RUSF1: variants seen among roughly 807,000 people sequenced by gnomAD.
The protein encoded by RUSF1 is RUS family member 1.
A neutral mutation model predicts 63.0 loss-of-function variants in RUSF1; 58 were observed. The ratio of observed to expected loss-of-function variants is 0.92; its 90% CI spans 0.75 to 1.15. RUSF1 has a LOEUF of 1.15. Ranked by LOEUF, RUSF1 falls within the 50% of genes most tolerant of loss-of-function variation. The pLI is 0.00. For missense variants in RUSF1, 652 were observed against 611.0 expected (o/e 1.07, Z -0.71); for synonymous variants, 274 against 255.8 (o/e 1.07, Z -0.68).
At chr16:31,496,769 TGGGCCCTCCA>T (rs2082605438) in intron 6 of RUSF1, 70 bp downstream of exon 6, 2 of 1,233,532 alleles carry the variant, frequency 1.6e-6, no homozygotes, top group Non-Finnish European at 2.2e-6. Context: ...TGTGTGTTCC[TGGGCCCTCCA>T]GGGCACTCAA....
At chr16:31,503,413 A>G (rs922459297) in intron 2 of RUSF1, among the ~76,000 whole-genome samples, 7 of 152,236 alleles carry the variant, frequency 4.6e-5, no homozygotes, top group African/African-American at 9.6e-5. Context: ...ATCAAGACAC[A>G]TATTACATGT....
At chr16:31,494,754 C>G (rs1462419571) in intron 6 of RUSF1, among the ~76,000 whole-genome samples, 1 of 151,880 alleles carries the variant, frequency 6.6e-6, no homozygotes, top group African/African-American at 2.4e-5. Flanking sequence ...CTCTGTCACC[C>G]AGGCTGGAGT....
Position 31,490,710 on chromosome 16 carries a change from A to G in RUSF1, c.*125T>C. ...ATCTGATTGGCAGTCACTTCCCATG[A>G]GGGCCTGGCCCACCCGCTGCAGTTG... On this transcript the variant is annotated 3_prime_UTR_variant, in exon 13 of 13. Coordinates refer to ENST00000327237, the MANE Select transcript of RUSF1 (RefSeq NM_022744.4). 8.3e-7 allele frequency: 1 copy of G among 1,211,652 alleles called. No homozygotes were observed. The highest frequency in any genetic ancestry group is 1.2e-6 in the Non-Finnish European group (1 of 831,414). 75.1% of individuals were successfully genotyped at this position (1,211,652 alleles called of 1,614,324 possible). A position where few individuals can be genotyped will look rare whatever the true frequency, so the allele number is the denominator to read the frequency against.
chr16:31,506,579 C>T (rs945914994), intron 2 of RUSF1, among the ~76,000 whole-genome samples: 10 of 152,120 alleles, frequency 6.6e-5, no homozygotes, highest in African/African-American at 2.4e-5. Flanking sequence ...GTCAGGAGTT[C>T]GAGACCAGCC....
chr16:31,494,444 A>T (rs375255307), intron 6 of RUSF1, among the ~76,000 whole-genome samples: 12 of 151,734 alleles, frequency 7.9e-5, no homozygotes, highest in African/African-American at 2.7e-4. Flanking sequence ...TGAGCCTGGG[A>T]GGTGGAGGTT....
At position 31,503,082 on chromosome 16, in the gene RUSF1, C is replaced by T. The variant is rs116801414; in HGVS notation, c.416-2351G>A. On this transcript the variant is annotated intron_variant, in intron 2 of 12. Transcript: ENST00000327237. ...AAATGATATATATACTCCCTAGCAT[C>T]TGAGTCACTACTGTCCACTAGAATA... is the stretch of plus-strand genomic sequence containing the variant. 5.6e-3 allele frequency among the ~76,000 whole-genome samples: 850 copies of T among 152,366 alleles called. 6 individuals are homozygous for T. The highest frequency in any genetic ancestry group is 0.02 in the African/African-American group (812 of 41,578).
In RUSF1 at chr16:31,490,158, G is replaced by A. The variant is rs753032417; in HGVS notation, c.*677C>T. ...TAGCAAGGAGGAACGGGAGGACCTGGATGCTGATGAGCAGCAAGGCTCCTC... is the reference window on the plus strand; with the variant it reads ...TAGCAAGGAGGAACGGGAGGACCTGAATGCTGATGAGCAGCAAGGCTCCTC... On this transcript the variant is annotated 3_prime_UTR_variant, in exon 13 of 13. Coordinates refer to ENST00000327237, the MANE Select transcript of RUSF1 (RefSeq NM_022744.4). 1.9e-6 allele frequency: 3 copies of A among 1,614,174 alleles called. No homozygotes were observed. The highest frequency in any genetic ancestry group is 2.5e-6 in the Non-Finnish European group (3 of 1,180,036).
At chr16:31,496,011 G>A (rs1005414400) in intron 6 of RUSF1, among the ~76,000 whole-genome samples, 1 of 152,150 alleles carries the variant, frequency 6.6e-6, no homozygotes, top group African/African-American at 2.4e-5. Context: ...CACACTTCTG[G>A]GACTTCCCTG....
chr16:31,489,879 G>A lies in RUSF1; in HGVS notation c.*956C>T, dbSNP rs1257914752. The stretch of plus-strand genomic sequence containing the variant: ...CAGACCTGAGCTGACAAAGCTGGGG[G>A]AGCAAGGCCAACGGCTTTAAACACA... On this transcript the variant is annotated 3_prime_UTR_variant, in exon 13 of 13. Coordinates refer to ENST00000327237, the MANE Select transcript of RUSF1 (RefSeq NM_022744.4). 10 of 581,056 alleles carry A rather than the reference G, an allele frequency of 1.7e-5. No homozygotes were observed. Among genetic ancestry groups the A allele is most frequent in the East Asian group, 3.2e-5 (1 of 30,856 alleles). 36.0% of individuals were successfully genotyped at this position (581,056 alleles called of 1,614,324 possible). A position where few individuals can be genotyped will look rare whatever the true frequency, so the allele number is the denominator to read the frequency against.
At position 31,493,696 on chromosome 16, in the gene RUSF1, C is replaced by A. The variant is rs745382201; in HGVS notation, c.865G>T (p.Glu289Ter). ...TTCAGGACCAGCCGGAGCCGGCCTT[C>A]GTTCAAGGTCTCCATGACCAGGGCT... is the stretch of plus-strand genomic sequence containing the variant. ...VRALVMETLN[E>*]GRLRLVLKHY... is the part of the protein sequence containing the mutation. The change falls in exon 8 of 13, where the codon GAA (glutamate) becomes TAA (stop). Residue 289 changes from glutamate (E) to a stop codon, truncating the protein, a stop_gained. Transcript: ENST00000327237. LOFTEE classifies it high-confidence loss of function. 1.9e-6 allele frequency: 3 copies of A among 1,614,246 alleles called. No individual in the cohort carries two copies. The highest frequency in any genetic ancestry group is 1.7e-5 in the Admixed American group (1 of 60,034).
chr16:31,490,164 G>C lies in RUSF1; in HGVS notation c.*671C>G, dbSNP rs1350055142. ...GGAGGAACGGGAGGACCTGGATGCT[G>C]ATGAGCAGCAAGGCTCCTCACTCCC... On this transcript the variant is annotated 3_prime_UTR_variant, in exon 13 of 13. Transcript: ENST00000327237. 7 of 1,614,164 alleles carry C rather than the reference G, an allele frequency of 4.3e-6. No homozygotes were observed. Among genetic ancestry groups the C allele is most frequent in the Non-Finnish European group, 5.9e-6 (7 of 1,180,028 alleles).
At position 31,500,732 on chromosome 16, in the gene RUSF1, C is replaced by G. The variant is rs763200610; in HGVS notation, c.416-1G>C. ...ATGCGGCCCAGCATGCCAGTTGAATCTGGGGGAAAGAAGGCACAGGTAAGG... is the reference window on the plus strand; with the variant it reads ...ATGCGGCCCAGCATGCCAGTTGAATGTGGGGGAAAGAAGGCACAGGTAAGG... On this transcript the variant is annotated splice_acceptor_variant, in intron 2 of 12. Coordinates refer to ENST00000327237, the MANE Select transcript of RUSF1 (RefSeq NM_022744.4). LOFTEE classifies it high-confidence loss of function. 1 of 1,612,330 alleles carries G rather than the reference C, an allele frequency of 6.2e-7. No individual in the cohort carries two copies. Among genetic ancestry groups the G allele is most frequent in the South Asian group, 1.1e-5 (1 of 90,884 alleles).
intron 2 of RUSF1, 96 bp downstream of exon 2, chr16:31,507,668 C>T: frequency 8.6e-7 from 1 of 1,163,496 alleles, no homozygotes; most frequent in Non-Finnish European, 1.2e-6. Context: ...TGAATTCTAC[C>T]TAATGGGGCA....
intron 10 of RUSF1, 127 bp downstream of exon 10, chr16:31,492,851 A>G: frequency 1.2e-6 from 1 of 858,494 alleles, no homozygotes; most frequent in Non-Finnish European, 1.8e-6. Flanking sequence ...CTGTAATTTG[A>G]ACGGTCTAGA....
Position 31,490,130 on chromosome 16 carries a change from G to T in RUSF1, c.*705C>A. The stretch of plus-strand genomic sequence containing the variant: ...TCCACCGCCTGGTCTTCAGTCTCCG[G>T]CATAGCAAGGAGGAACGGGAGGACC... On this transcript the variant is annotated 3_prime_UTR_variant, in exon 13 of 13. Coordinates refer to ENST00000327237, the MANE Select transcript of RUSF1 (RefSeq NM_022744.4). 1 of 1,614,076 alleles carries T rather than the reference G, an allele frequency of 6.2e-7. No individual in the cohort carries two copies. Among genetic ancestry groups the T allele is most frequent in the Non-Finnish European group, 8.5e-7 (1 of 1,180,024 alleles).
chr16:31,489,533 G>C lies in RUSF1; in HGVS notation c.*1302C>G. 1 of 630,178 alleles carries C rather than the reference G, an allele frequency of 1.6e-6. No homozygotes were observed. Among genetic ancestry groups the C allele is most frequent in the South Asian group, 1.8e-5 (1 of 54,060 alleles). The allele number at this position is 630,178 out of a possible 1,614,324, so 39.0% of individuals were successfully genotyped here. On this transcript the variant is annotated 3_prime_UTR_variant, in exon 13 of 13. Coordinates refer to ENST00000327237, the MANE Select transcript of RUSF1 (RefSeq NM_022744.4). Reference sequence around the variant, plus strand: ...ATTTGAACCGGCCTGGGGGAGGCTTGATGTTGATGGGTTGGTGATTAAAGC... The same window carrying C: ...ATTTGAACCGGCCTGGGGGAGGCTTCATGTTGATGGGTTGGTGATTAAAGC...
Position 31,508,105 on chromosome 16 carries a change from T to C in RUSF1, c.269A>G (p.Tyr90Cys), listed in dbSNP as rs1269795032. The change falls in exon 1 of 13, where the codon TAC (tyrosine) becomes TGC (cysteine). Residue 90 changes from tyrosine to cysteine, a missense_variant. Physicochemically the swap from Tyr to Cys is radical, Grantham distance 194. Transcript: ENST00000327237. ...GGAATCCCACAGCTGGTAGGGCAAGTAGTCCGGGCTGACGCTATCAGGGAA... is the reference window on the plus strand; with the variant it reads ...GGAATCCCACAGCTGGTAGGGCAAGCAGTCCGGGCTGACGCTATCAGGGAA... ...QGFPDSVSPD[Y>C]LPYQLWDSVQ... The C allele has an allele frequency of 6.2e-7, 1 of 1,605,342 alleles. No individual in the cohort carries two copies. Among genetic ancestry groups the C allele is most frequent in the Non-Finnish European group, 8.5e-7 (1 of 1,176,490 alleles).
Position 31,493,766 on chromosome 16 carries a change from G to A in RUSF1, c.795C>T (p.Phe265=), listed in dbSNP as rs2142646520. Residue 265 remains phenylalanine (F), a synonymous_variant, in exon 8 of 13, where the codon TTC becomes TTT. Transcript: ENST00000327237. ...CGTAGATGTGGAGGGCAGTGAGGAA[G>A]AAGAAACATCCAAGGCTGAAGCTGG... ...GCPGFSLGCF[F]FLTALHIYAN... The A allele has an allele frequency of 1.2e-6, 2 of 1,614,222 alleles. No individual in the cohort carries two copies. The highest frequency in any genetic ancestry group is 1.7e-6 in the Non-Finnish European group (2 of 1,180,036).
intron 5 of RUSF1, among the ~76,000 whole-genome samples, chr16:31,498,711 A>T (rs1177376879): frequency 6.6e-6 from 1 of 152,078 alleles, no homozygotes; most frequent in African/African-American, 2.4e-5. Flanking sequence ...TCTGTGCTCC[A>T]TCTCCACCTC....
Sources: allele counts gnomAD v4.1 joint callset (sites outside exome capture counted in the v4.1 genomes callset), GRCh38; gene constraint gnomAD v4.1.1; transcripts MANE v1.5; gene names NCBI Gene and HGNC (gene_info 2026-07-23, HGNC 2026-07-21).